GAS5: variants seen among roughly 807,000 people sequenced by gnomAD.
The protein encoded by GAS5 is growth arrest specific 5 (non-protein coding).
chr1:173,864,346 T>C (rs758190996), intron 6 of GAS5: 5 of 518,454 alleles, frequency 9.6e-6, no homozygotes, highest in Non-Finnish European at 1.9e-5. Flanking sequence ...AAAATACAAA[T>C]GTGTGATGCT....
Position 173,864,606 on chromosome 1 carries a change from C to T in GAS5, n.277-302G>A, listed in dbSNP as rs963945517. ...TTAAACAGCTAATCACTCCCATCTA[C>T]AGATTAAGGTGTATATGCCACCAAA... On this transcript the variant is annotated intron_variant and non_coding_transcript_variant, in intron 6 of 7. Coordinates refer to ENST00000651080, the Ensembl canonical transcript of GAS5. 1.1e-5 allele frequency: 4 copies of T among 376,044 alleles called. No individual in the cohort carries two copies. In the Admixed American group the frequency reaches 1.4e-4, roughly 13 times the overall value. The allele number at this position is 376,044 out of a possible 1,614,324, so 23.3% of individuals were successfully genotyped here.
upstream of GAS5, chr1:173,867,802 C>T (rs1381626478): frequency 1.9e-6 from 1 of 518,338 alleles, no homozygotes; most frequent in Admixed American, 1.9e-5. Flanking sequence ...CAGCTTAGGT[C>T]ACGCATGCAC....
At chr1:173,865,843 T>TCATTAATACTTAC (rs1167109895) in intron 5 of GAS5, 99 of 512,500 alleles carry the variant, frequency 1.9e-4, no homozygotes, top group Middle Eastern at 3.2e-4. Flanking sequence ...TCTACTGTTT[T>TCATTAATACTTAC]CATTAATACT....
At chr1:173,865,635 C>G (rs780451525) in intron 5 of GAS5, 3 of 519,202 alleles carry the variant, frequency 5.8e-6, no homozygotes, top group South Asian at 4.2e-5. Flanking sequence ...TTCAGTGTTA[C>G]CTTTGTCTAC....
At chr1:173,867,623 G>A, upstream of GAS5, 2 of 518,532 alleles carry the variant, frequency 3.9e-6, no homozygotes, top group Non-Finnish European at 7.7e-6. Flanking sequence ...GGCTGATGGA[G>A]GCTCGGGTCA....
At chr1:173,865,037 T>A (rs747913096) in intron 6 of GAS5, 1 of 390,250 alleles carries the variant, frequency 2.6e-6, no homozygotes, top group Non-Finnish European at 5.1e-6. Context: ...CTGGACAACA[T>A]AGCTGTACAA....
intron 5 of GAS5, chr1:173,865,726 A>C: frequency 1.9e-6 from 1 of 519,128 alleles, no homozygotes; most frequent in Middle Eastern, 3.2e-4. Flanking sequence ...ACACATAAAC[A>C]CTGTTCCAGA....
chr1:173,866,667 C>T (rs1193231056), intron 2 of GAS5: 2 of 764,850 alleles, frequency 2.6e-6, no homozygotes, highest in East Asian at 2.4e-5. Flanking sequence ...TTAAGATCCT[C>T]ATCATTCTAG....
At chr1:173,867,755 G>A (rs1181207980), upstream of GAS5, 3 of 519,176 alleles carry the variant, frequency 5.8e-6, no homozygotes, top group East Asian at 5.5e-5. Flanking sequence ...GGGCACGAGA[G>A]CCGAGGCTTC....
chr1:173,866,017 T>C (rs755862759), intron 4 of GAS5: 1 of 519,134 alleles, frequency 1.9e-6, no homozygotes, highest in South Asian at 1.4e-5. Flanking sequence ...CATTTGCTTA[T>C]CATCATCCAG....
intron 3 of GAS5, chr1:173,866,488 A>T (rs1185895930): frequency 1.5e-6 from 1 of 656,448 alleles, no homozygotes; most frequent in Non-Finnish European, 2.8e-6. Context: ...CTATTTTCTA[A>T]TCCCTTAAAA....
At chr1:173,865,530 T>C in exon 6 of GAS5, 1 of 514,304 alleles carries the variant, frequency 1.9e-6, no homozygotes, top group Non-Finnish European at 3.9e-6. Context: ...CATCCATGGA[T>C]AAAAACGTTA....
intron 7 of GAS5, chr1:173,863,997 A>AG (rs1263959003): frequency 3.0e-6 from 1 of 336,078 alleles, no homozygotes; most frequent in South Asian, 2.3e-5. Context: ...TGGGAGGCTG[A>AG]GGATCACTTG....
chr1:173,867,852 T>TGCAAAGGCGCGCGACTG (rs1427058194), upstream of GAS5: 1 of 472,714 alleles, frequency 2.1e-6, no homozygotes, highest in Non-Finnish European at 4.3e-6. Context: ...TTGTAGGCCC[T>TGCAAAGGCGCGCGACTG]GCAAAGGCGC....
chr1:173,865,943 C>A (rs768621674), intron 4 of GAS5: 16 of 519,044 alleles, frequency 3.1e-5, no homozygotes, highest in Non-Finnish European at 4.6e-5. Context: ...GTGTTCACCC[C>A]CTGCCAAAAC....
At chr1:173,864,746 A>G (rs1306171766) in intron 6 of GAS5, 18 of 508,470 alleles carry the variant, frequency 3.5e-5, no homozygotes, top group Admixed American at 3.4e-4. Flanking sequence ...ACTTGCATAC[A>G]ATTAGGAGTA....
rs545139982 is a variant in GAS5, at chr1:173,866,772, T to A, written n.80A>T. On this transcript the variant is annotated non_coding_transcript_exon_variant, in exon 2 of 8. Transcript: ENST00000651080. ...AATTTTCAACTTACTTCAGTAGCTA[T>A]TCTCATCCTTCCTTGGGGACACAAC... 8.8e-5 allele frequency: 67 copies of A among 765,344 alleles called. No individual in the cohort carries two copies. The South Asian group carries it at 8.8e-4, about 10-fold the overall frequency. The allele number at this position is 765,344 out of a possible 1,614,324, so 47.4% of individuals were successfully genotyped here.
upstream of GAS5, chr1:173,867,747 G>A (rs1267060813): frequency 1.9e-6 from 1 of 518,994 alleles, no homozygotes; most frequent in Non-Finnish European, 3.8e-6. Flanking sequence ...CAGAGGCAGG[G>A]CACGAGAGCC....
intron 4 of GAS5, chr1:173,866,149 C>T (rs1325340018): frequency 1.2e-5 from 6 of 482,504 alleles, no homozygotes; most frequent in Admixed American, 2.2e-5. Flanking sequence ...GCCCAGTTAC[C>T]TGCTTACTTG....
Sources: allele counts gnomAD v4.1 joint callset, GRCh38; gene constraint gnomAD v4.1.1; transcripts MANE v1.5; gene names NCBI Gene and HGNC (gene_info 2026-07-23, HGNC 2026-07-21).